Variants in DISC1 observed in about 807,000 individuals in gnomAD.
DISC1 encodes the protein DISC1 scaffold protein.
A neutral mutation model predicts 84.5 loss-of-function variants in DISC1; 57 were observed. The ratio of observed to expected loss-of-function variants is 0.67; its 90% CI spans 0.55 to 0.84. The LOEUF (loss-of-function observed/expected upper bound fraction) is 0.84. DISC1 is among the 40% of genes least tolerant of loss of function. DISC1 has a pLI of 0.00. For missense variants in DISC1, 1,000 were observed against 1,057.8 expected (o/e 0.95, Z 0.76); for synonymous variants, 411 against 415.2 (o/e 0.99, Z 0.12).
intron 9 of DISC1, among the ~76,000 whole-genome samples, chr1:231,955,077 C>G (rs577124631): frequency 6.6e-6 from 1 of 152,172 alleles, no homozygotes; most frequent in Non-Finnish European, 1.5e-5. Context: ...TGATAGACAT[C>G]TAGATTCTTT....
At chr1:231,848,579 A>G (rs1437813364) in intron 9 of DISC1, among the ~76,000 whole-genome samples, 1 of 152,180 alleles carries the variant, frequency 6.6e-6, no homozygotes, top group Non-Finnish European at 1.5e-5. Flanking sequence ...TTTGTGTAGC[A>G]AGGCTCTAGG....
At chr1:231,688,388 A>G (rs1452764585) in intron 1 of DISC1, among the ~76,000 whole-genome samples, 1 of 152,202 alleles carries the variant, frequency 6.6e-6, no homozygotes, top group African/African-American at 2.4e-5. Flanking sequence ...AAACTGACTA[A>G]CTCACAAAAT....
rs143954942 is a variant in DISC1, at chr1:231,644,520, C to T, written c.67+17586C>T. On this transcript the variant is annotated intron_variant, in intron 1 of 12. Coordinates refer to ENST00000439617, the MANE Select transcript of DISC1 (RefSeq NM_018662.3). ...ACTGTGAGGCCATTGCAAGCAGTTG[C>T]TGTAGTGATAGTAAGGAAGGGGTGA... is the stretch of plus-strand genomic sequence containing the variant. 3.5e-3 allele frequency among the ~76,000 whole-genome samples: 531 copies of T among 152,274 alleles called. 6 individuals are homozygous for T. Among genetic ancestry groups the T allele is most frequent in the African/African-American group, 0.012 (502 of 41,562 alleles).
intron 3 of DISC1, among the ~76,000 whole-genome samples, chr1:231,712,499 G>A (rs2068006694): frequency 6.6e-6 from 1 of 152,154 alleles, no homozygotes; most frequent in Admixed American, 6.5e-5. Flanking sequence ...AAGCAACCAA[G>A]CAAACACTGA....
intron 3 of DISC1, 23 bp downstream of exon 3, chr1:231,702,047 A>T: frequency 6.3e-7 from 1 of 1,597,138 alleles, no homozygotes. Flanking sequence ...TTGTTTATTG[A>T]TTGTTTTGTC....
chr1:231,799,584 C>T (rs559171227), intron 7 of DISC1, among the ~76,000 whole-genome samples: 7 of 151,950 alleles, frequency 4.6e-5, no homozygotes, highest in African/African-American at 7.2e-5. Flanking sequence ...TCCCAGGCAG[C>T]GACTGAGCAG....
At chr1:231,805,633 AT>A (rs1243533806) in intron 8 of DISC1, among the ~76,000 whole-genome samples, 12 of 152,072 alleles carry the variant, frequency 7.9e-5, no homozygotes, top group African/African-American at 2.9e-4. Flanking sequence ...GTGCTAAATC[AT>A]TAATGAGAAA....
At chr1:231,751,507 GTA>G (rs1401726571) in intron 4 of DISC1, among the ~76,000 whole-genome samples, 1 of 152,148 alleles carries the variant, frequency 6.6e-6, no homozygotes, top group Non-Finnish European at 1.5e-5. Context: ...CCATTGTTAA[GTA>G]TACAGTTCAG....
intron 10 of DISC1, among the ~76,000 whole-genome samples, chr1:232,000,861 G>C (rs1666592169): frequency 6.6e-6 from 1 of 152,078 alleles, no homozygotes; most frequent in Admixed American, 6.6e-5. Context: ...AGAATGAAAA[G>C]GAAATAAATA....
chr1:231,946,296 G>A (rs1214526486), intron 9 of DISC1, among the ~76,000 whole-genome samples: 1 of 152,112 alleles, frequency 6.6e-6, no homozygotes, highest in Non-Finnish European at 1.5e-5. Context: ...GGGTTGCAAG[G>A]CTGTTTCAAC....
At chr1:231,926,762 G>T (rs1236770126) in intron 9 of DISC1, among the ~76,000 whole-genome samples, 1 of 152,196 alleles carries the variant, frequency 6.6e-6, no homozygotes, top group South Asian at 2.1e-4. Context: ...TAAAGGCAAG[G>T]GCAGAGATTT....
chr1:231,792,850 C>G (rs569998047), intron 6 of DISC1, among the ~76,000 whole-genome samples: 21 of 152,322 alleles, frequency 1.4e-4, no homozygotes, highest in African/African-American at 4.6e-4. Flanking sequence ...GGATTCCAAA[C>G]ATTGTTTTCC....
intron 4 of DISC1, among the ~76,000 whole-genome samples, chr1:231,761,199 T>G (rs141548389): frequency 0.011 from 1,731 of 152,286 alleles, 25 homozygotes; most frequent in African/African-American, 0.037. Context: ...GAATCCCCAT[T>G]GGCACTGAGT....
intron 10 of DISC1, among the ~76,000 whole-genome samples, chr1:231,992,350 T>G (rs572508389): frequency 6.6e-5 from 10 of 152,210 alleles, no homozygotes; most frequent in Non-Finnish European, 1.3e-4. Context: ...TATTTTCTTT[T>G]GGGATATTTG....
chr1:231,867,218 TA>T lies in DISC1; in HGVS notation c.1981+48708del, dbSNP rs372280863. Among the ~76,000 whole-genome samples, 1,082 of 152,270 alleles carry T rather than the reference TA, an allele frequency of 7.1e-3. 19 individuals are homozygous for T. The highest frequency in any genetic ancestry group is 0.025 in the African/African-American group (1,055 of 41,562). On this transcript the variant is annotated intron_variant, in intron 9 of 12. Coordinates refer to ENST00000439617, the MANE Select transcript of DISC1 (RefSeq NM_018662.3). ...AGGGATATTTTATTTAAATCTGCTT[TA>T]AAAAAATCTTCCATGACTTATTCAC...
At chr1:231,867,766 AT>A (rs977396610) in intron 9 of DISC1, among the ~76,000 whole-genome samples, 1 of 152,234 alleles carries the variant, frequency 6.6e-6, no homozygotes, top group African/African-American at 2.4e-5. Context: ...CTTGCAAATG[AT>A]TACAAACTGA....
intron 9 of DISC1, among the ~76,000 whole-genome samples, chr1:231,882,394 A>G (rs539108671): frequency 1.3e-5 from 2 of 152,262 alleles, no homozygotes; most frequent in East Asian, 1.9e-4. Context: ...AGGCACAAAA[A>G]AGGAGAAACG....
chr1:231,788,681 A>T (rs1284855718), intron 6 of DISC1, among the ~76,000 whole-genome samples: 3 of 152,224 alleles, frequency 2.0e-5, no homozygotes, highest in African/African-American at 7.2e-5. Flanking sequence ...TTTAAAAAGA[A>T]GAGAGGACAT....
intron 9 of DISC1, among the ~76,000 whole-genome samples, chr1:231,957,218 G>C (rs1210482278): frequency 6.6e-6 from 1 of 152,154 alleles, no homozygotes; most frequent in Non-Finnish European, 1.5e-5. Context: ...AGAGCATGCA[G>C]ATGTGCTTCT....
Sources: gnomAD v4.1 joint callset for allele counts (sites outside exome capture counted in the v4.1 genomes callset) on GRCh38, gnomAD v4.1.1 for gene constraint, MANE v1.5 for transcripts, NCBI Gene and HGNC (gene_info 2026-07-23, HGNC 2026-07-21) for gene names.